Variants in MED1 observed in about 807,000 individuals in gnomAD.
MED1 encodes mediator complex subunit 1, also known as mediator of RNA polymerase II transcription subunit 1.
A neutral mutation model predicts 121.3 loss-of-function variants in MED1; 17 were observed. That is an observed-to-expected ratio of 0.14 (90% CI 0.10 to 0.21). The LOEUF (loss-of-function observed/expected upper bound fraction) is 0.21. Among genes scored for constraint, MED1 ranks in the 10% least tolerant of loss-of-function variants. MED1 has a pLI of 1.00. For missense variants in MED1, 1,558 were observed against 1,919.4 expected, an observed-to-expected ratio of 0.81 and a Z score of 3.52; for synonymous variants, 661 against 694.4, an observed-to-expected ratio of 0.95 and a Z score of 0.76.
chr17:39,422,045 A>ACT (rs2144735394), intron 13 of MED1, among the ~76,000 whole-genome samples: 1 of 148,774 alleles, frequency 6.7e-6, no homozygotes, highest in East Asian at 2.1e-4. Flanking sequence ...GGAGAATGGC[A>ACT]TGAACCCGGG....
At chr17:39,450,722 A>G (rs542132255) in intron 1 of MED1, among the ~76,000 whole-genome samples, 122 of 152,148 alleles carry the variant, frequency 8.0e-4, no homozygotes, top group African/African-American at 2.8e-3. Context: ...ACAGCCCTAA[A>G]TTTATTCAGG....
Position 39,422,547 on chromosome 17 carries a change from G to A in MED1, c.1095+780C>T, listed in dbSNP as rs1325093179. Among the ~76,000 whole-genome samples, 3 of 141,396 alleles carry A rather than the reference G, an allele frequency of 2.1e-5. No homozygotes were observed. The Admixed American group carries it at 2.2e-4, about 10-fold the overall frequency. The allele number at this position is 141,396 out of a possible 152,430, so 92.8% of individuals were successfully genotyped here. On this transcript the variant is annotated intron_variant, in intron 13 of 16. Transcript: ENST00000300651. ...GCTGGAGTGCAGTGGCGCAATCTTG[G>A]CTCACTGCAACCTCTGCCTCCCGGG...
At chr17:39,425,490 C>T (rs995812862) in intron 10 of MED1, among the ~76,000 whole-genome samples, 5 of 152,134 alleles carry the variant, frequency 3.3e-5, no homozygotes, top group South Asian at 2.1e-4. Context: ...CCACCAGGCA[C>T]GGCCTGTAGT....
intron 8 of MED1, 112 bp downstream of exon 8, chr17:39,431,830 G>A: frequency 1.5e-6 from 1 of 656,492 alleles, no homozygotes; most frequent in South Asian, 2.2e-5. Context: ...CATTTTGGAA[G>A]AGAAAGGACA....
In MED1 at chr17:39,428,479, G is replaced by A. The variant is rs149358501; in HGVS notation, c.650-689C>T. ...AGCCCTGGCAACAGAGGGAGACTCC[G>A]TCTCAAAAATAATAATAATAATAAT... On this transcript the variant is annotated intron_variant, in intron 9 of 16. Coordinates refer to ENST00000300651, the MANE Select transcript of MED1 (RefSeq NM_004774.4). Among the ~76,000 whole-genome samples, 1,432 of 151,052 alleles carry A rather than the reference G, an allele frequency of 9.5e-3. 29 individuals carry two copies. Among genetic ancestry groups the A allele is most frequent in the African/African-American group, 0.033 (1,350 of 41,150 alleles).
At chr17:39,444,291 G>A (rs1470990327) in intron 2 of MED1, among the ~76,000 whole-genome samples, 3 of 151,946 alleles carry the variant, frequency 2.0e-5, no homozygotes, top group Non-Finnish European at 4.4e-5. Context: ...GGTGGATCAC[G>A]AGGTCAAGAG....
chr17:39,436,660 AT>A (rs1407734981), intron 6 of MED1, among the ~76,000 whole-genome samples: 1 of 152,102 alleles, frequency 6.6e-6, no homozygotes, highest in Non-Finnish European at 1.5e-5. Flanking sequence ...AAATGAAACA[AT>A]TTTTCCCAAA....
At position 39,410,230 on chromosome 17, in the gene MED1, C is replaced by T. The variant is rs767801949; in HGVS notation, c.1991G>A (p.Ser664Asn). 6.2e-6 allele frequency: 10 copies of T among 1,613,744 alleles called. No homozygotes were observed. Among genetic ancestry groups the T allele is most frequent in the African/African-American group, 5.3e-5 (4 of 74,818 alleles). ...AGAGGAGTTCTGCCTTTCTAAAGGG[C>T]TGCTTCCATAAAGGGTTGAGAAATC... The part of the protein sequence containing the change: ...AQDFSTLYGS[S>N]PLERQNSSSG... The change falls in exon 17 of 17, where the codon AGC (serine) becomes AAC (asparagine). Residue 664 changes from serine (S) to asparagine (N), a missense_variant. Around this residue, in one of 5 missense-constraint regions of MED1, gnomAD observed 793 missense variants for 898.2 expected, o/e 0.88. Coordinates refer to ENST00000300651, the MANE Select transcript of MED1 (RefSeq NM_004774.4).
chr17:39,414,659 T>A (rs1317796915), intron 16 of MED1, among the ~76,000 whole-genome samples: 2 of 118,158 alleles, frequency 1.7e-5, no homozygotes, highest in African/African-American at 3.8e-5. Context: ...TTTTTTTTTT[T>A]TTTTTTTTTT....
intron 16 of MED1, among the ~76,000 whole-genome samples, chr17:39,413,927 A>C (rs914943372): frequency 1.7e-4 from 25 of 149,912 alleles, no homozygotes; most frequent in African/African-American, 5.1e-4. Context: ...AAAAAAAAAA[A>C]AAAAAAAAAA....
rs1218141602 is a variant in MED1 at position 39,409,978 on chromosome 17, G to C, written c.2243C>G (p.Pro748Arg). The C allele has an allele frequency of 6.2e-7, 1 of 1,614,042 alleles. No individual in the cohort carries two copies. The highest frequency in any genetic ancestry group is 1.1e-5 in the South Asian group (1 of 91,058). ...ITPAPSQCST[P>R]PTTYPQPVPH... ...TACTGGTTGTGGGTAAGTTGTTGGG[G>C]GAGTGCTACACTGGCTTGGAGCTGG... The change falls in exon 17 of 17, where the codon CCC (proline) becomes CGC (arginine). Residue 748 changes from proline (P) to arginine (R), a missense_variant. Pro to Arg is a moderately radical substitution (Grantham distance 103, BLOSUM62 -2). Transcript: ENST00000300651.
chr17:39,418,461 A>G (rs544103397), intron 14 of MED1, among the ~76,000 whole-genome samples: 1 of 151,516 alleles, frequency 6.6e-6, no homozygotes, highest in South Asian at 2.1e-4. Context: ...TGAGCCAAGG[A>G]GGTAGAGGCA....
intron 2 of MED1, among the ~76,000 whole-genome samples, chr17:39,447,290 C>G (rs973412619): frequency 3.3e-5 from 5 of 151,664 alleles, no homozygotes; most frequent in Non-Finnish European, 7.4e-5. Flanking sequence ...ATTCGGGAGG[C>G]TGAGGCAGAA....
intron 16 of MED1, among the ~76,000 whole-genome samples, chr17:39,412,492 G>A (rs2048365852): frequency 6.7e-6 from 1 of 148,462 alleles, no homozygotes; most frequent in South Asian, 2.1e-4. Context: ...AAAGTGCTGG[G>A]ATTATAGGCG....
At position 39,408,384 on chromosome 17, in the gene MED1, G is replaced by C; in HGVS notation, c.3837C>G (p.Ser1279=). ...CATGCTGGTTCTGAGAGGATGACAT[G>C]GAAGAGCCACTTGAGGAAAAGGAGG... The part of the protein sequence containing the change: ...SSSSFSSSGS[S]MSSSQNQHGS... The change falls in exon 17 of 17, where the codon TCC becomes TCG. Residue 1279 remains serine, a synonymous_variant. Coordinates refer to ENST00000300651, the MANE Select transcript of MED1 (RefSeq NM_004774.4). This position sits in a 1 kb window ranked among gnomAD's most constrained non-coding sequence, Gnocchi z 4.7. 2 of 1,614,174 alleles carry C rather than the reference G, an allele frequency of 1.2e-6. No individual in the cohort carries two copies. The highest frequency in any genetic ancestry group is 8.5e-7 in the Non-Finnish European group (1 of 1,180,028).
At chr17:39,431,281 CTTTTT>C in intron 8 of MED1, 93 bp from the exon 9 acceptor site, 2 of 687,912 alleles carry the variant, frequency 2.9e-6, no homozygotes, top group Non-Finnish European at 4.5e-6. Flanking sequence ...GAAGTCTTGT[CTTTTT>C]TTTTTTTTGA....
At chr17:39,421,639 T>A (rs1249731474) in intron 13 of MED1, among the ~76,000 whole-genome samples, 2 of 152,116 alleles carry the variant, frequency 1.3e-5, no homozygotes, top group Middle Eastern at 6.4e-3. Flanking sequence ...CTGCCTTGCC[T>A]TGGCCTCCCA....
In MED1 at chr17:39,406,839, A is replaced by G. The variant is rs2048307328; in HGVS notation, c.*636T>C. 1.0e-6 allele frequency: 1 copy of G among 985,412 alleles called. No individual in the cohort carries two copies. The highest frequency in any genetic ancestry group is 4.7e-5 in the South Asian group (1 of 21,286). The allele number at this position is 985,412 out of a possible 1,614,324, so 61.0% of individuals were successfully genotyped here. ...TGAACCCTAAACCTCATAGATTTAG[A>G]ACGAAACACTGTATAAAAACAAACA... On this transcript the variant is annotated 3_prime_UTR_variant, in exon 17 of 17. Transcript: ENST00000300651.
chr17:39,449,314 G>A (rs2048759312), intron 1 of MED1, among the ~76,000 whole-genome samples: 1 of 151,914 alleles, frequency 6.6e-6, no homozygotes, highest in Admixed American at 6.6e-5. Flanking sequence ...CCAAGTAGCT[G>A]GGACTACTGG....
Sources: allele counts gnomAD v4.1 joint callset (sites outside exome capture counted in the v4.1 genomes callset), GRCh38; gene constraint gnomAD v4.1.1; regional missense constraint gnomAD v4.1.1; non-coding constraint Gnocchi (gnomAD v3.1); transcripts MANE v1.5; gene names NCBI Gene and HGNC (gene_info 2026-07-23, HGNC 2026-07-21).